FHIT: variants seen among roughly 807,000 people sequenced by gnomAD.
The protein encoded by FHIT is fragile histidine triad diadenosine triphosphatase.
A neutral mutation model predicts 17.9 loss-of-function variants in FHIT; 19 were observed. The observed-to-expected ratio is 1.06, with a 90% CI of 0.74 to 1.56. The LOEUF (loss-of-function observed/expected upper bound fraction) is 1.56, where lower values mean the gene tolerates loss of function less well. Ranked by LOEUF, FHIT falls within the 40% of genes most tolerant of loss-of-function variation. FHIT has a pLI of 0.00. For missense variants in FHIT, 248 were observed against 189.2 expected, an observed-to-expected ratio of 1.31 and a Z score of -1.82; for synonymous variants, 81 against 69.7, an observed-to-expected ratio of 1.16 and a Z score of -0.81.
chr3:60,354,977 A>G (rs1257859417), intron 5 of FHIT, among the ~76,000 whole-genome samples: 2 of 152,192 alleles, frequency 1.3e-5, no homozygotes, highest in African/African-American at 4.8e-5. Flanking sequence ...TTAGTTATCA[A>G]TCAGTTATCT....
intron 5 of FHIT, among the ~76,000 whole-genome samples, chr3:60,090,992 A>T (rs1703707945): frequency 6.6e-6 from 1 of 152,214 alleles, no homozygotes; most frequent in Admixed American, 6.5e-5. Flanking sequence ...TGACCGATTA[A>T]CCACAATGTT....
intron 3 of FHIT, among the ~76,000 whole-genome samples, chr3:60,980,881 T>C (rs1710464508): frequency 6.6e-6 from 1 of 152,238 alleles, no homozygotes; most frequent in South Asian, 2.1e-4. Context: ...AATACCTGTT[T>C]AGATACAAAT....
intron 8 of FHIT, among the ~76,000 whole-genome samples, chr3:59,903,358 T>C (rs532052246): frequency 1.1e-4 from 16 of 152,278 alleles, no homozygotes; most frequent in African/African-American, 3.6e-4. Context: ...AATTAGATTG[T>C]AGTGACAGTT....
chr3:60,838,337 T>A (rs1281528665), intron 3 of FHIT, among the ~76,000 whole-genome samples: 1 of 151,902 alleles, frequency 6.6e-6, no homozygotes. Context: ...CCGGGCGTGG[T>A]GGTGGGCGCC....
At chr3:59,868,194 GC>G in intron 8 of FHIT, among the ~76,000 whole-genome samples, 1 of 152,032 alleles carries the variant, frequency 6.6e-6, no homozygotes, top group South Asian at 2.1e-4. Flanking sequence ...TTCTTTCTCT[GC>G]ATTGCAGTAC....
In FHIT at chr3:60,987,223, C is replaced by T. The variant is rs141681478; in HGVS notation, c.-111+54824G>A. 2.7e-3 allele frequency among the ~76,000 whole-genome samples: 415 copies of T among 152,262 alleles called. 5 individuals carry two copies. Among genetic ancestry groups the T allele is most frequent in the Middle Eastern group, 0.014 (4 of 294 alleles). ...GCATAAAGCTAATGTTGGGAGCAGG[C>T]CCCCCAAAATCTGGCCATAAACTGG... On this transcript the variant is annotated intron_variant, in intron 3 of 9. Coordinates refer to ENST00000492590, the MANE Select transcript of FHIT (RefSeq NM_002012.4).
chr3:59,962,297 ATACTT>A (rs1206231595), intron 7 of FHIT, among the ~76,000 whole-genome samples: 1 of 152,206 alleles, frequency 6.6e-6, no homozygotes, highest in East Asian at 1.9e-4. Context: ...CTCTTGGAAA[ATACTT>A]TATACTGCCT....
chr3:60,928,477 AG>A (rs1219131126), intron 3 of FHIT, among the ~76,000 whole-genome samples: 1 of 151,716 alleles, frequency 6.6e-6, no homozygotes, highest in Non-Finnish European at 1.5e-5. Context: ...TGAGCCTGGG[AG>A]GCAGAGGCTG....
At chr3:60,366,634 A>G (rs1700117494) in intron 5 of FHIT, among the ~76,000 whole-genome samples, 1 of 152,148 alleles carries the variant, frequency 6.6e-6, no homozygotes, top group South Asian at 2.1e-4. Context: ...TATAAAAGCA[A>G]GCTTTCTCTC....
At chr3:60,234,725 T>C (rs890235170) in intron 5 of FHIT, among the ~76,000 whole-genome samples, 5 of 152,312 alleles carry the variant, frequency 3.3e-5, no homozygotes, top group Non-Finnish European at 5.9e-5. Flanking sequence ...GAAGAAGAGA[T>C]AGCTCTTCTT....
intron 5 of FHIT, among the ~76,000 whole-genome samples, chr3:60,207,416 G>T (rs1052107893): frequency 9.9e-5 from 15 of 151,982 alleles, no homozygotes; most frequent in African/African-American, 3.6e-4. Flanking sequence ...ACCTCGAAAG[G>T]CTTCTATATG....
intron 2 of FHIT, among the ~76,000 whole-genome samples, chr3:61,172,601 G>A (rs896466913): frequency 6.6e-6 from 1 of 152,166 alleles, no homozygotes; most frequent in African/African-American, 2.4e-5. Flanking sequence ...TTCCTAAAAA[G>A]TAGATAAAAT....
rs529168565 is a variant in FHIT at position 60,027,758 on chromosome 3, G to A, written c.104-13606C>T. Among the ~76,000 whole-genome samples the A allele has an allele frequency of 8.6e-5, 13 of 151,254 alleles. 1 individual carries two copies. The South Asian group carries it at 2.7e-3, about 32-fold the overall frequency. On this transcript the variant is annotated intron_variant, in intron 5 of 9. Transcript: ENST00000492590. ...AAAGAATAATTCAGATTGAAGGATA[G>A]TATTTTGGATTTTCAGTGTTATTGA...
Position 60,713,229 on chromosome 3 carries a change from C to T in FHIT, c.-18+108690G>A, listed in dbSNP as rs552451987. ...AAATAAAGATGTTCTTTGAAACCAA[C>T]GAGAACAAAGACACAACATACCAGA... is the stretch of plus-strand genomic sequence containing the variant. On this transcript the variant is annotated intron_variant, in intron 4 of 9. Coordinates refer to ENST00000492590, the MANE Select transcript of FHIT (RefSeq NM_002012.4). Among the ~76,000 whole-genome samples, 1,190 of 131,172 alleles carry T rather than the reference C, an allele frequency of 9.1e-3. 45 individuals are homozygous for T. The highest frequency in any genetic ancestry group is 0.074 in the Admixed American group (1,010 of 13,574). The allele number at this position is 131,172 out of a possible 152,430, so 86.1% of individuals were successfully genotyped here.
chr3:60,332,175 T>C (rs1023399125), intron 5 of FHIT, among the ~76,000 whole-genome samples: 1 of 152,224 alleles, frequency 6.6e-6, no homozygotes, highest in Non-Finnish European at 1.5e-5. Flanking sequence ...TGTCCTACTA[T>C]TAACCTCATT....
At chr3:59,752,103 T>G (rs112868324) in intron 9 of FHIT, 118 bp downstream of exon 9, 17 of 665,060 alleles carry the variant, frequency 2.6e-5, no homozygotes, top group African/African-American at 2.0e-4. Flanking sequence ...CTTTGTCCTT[T>G]GCAGCCACCA....
intron 5 of FHIT, among the ~76,000 whole-genome samples, chr3:60,486,463 C>G (rs2033845162): frequency 6.6e-6 from 1 of 152,118 alleles, no homozygotes; most frequent in Non-Finnish European, 1.5e-5. Context: ...CTCCTAACAT[C>G]AAACATTAAT....
intron 3 of FHIT, among the ~76,000 whole-genome samples, chr3:61,040,564 G>A (rs2033459104): frequency 6.6e-6 from 1 of 152,030 alleles, no homozygotes; most frequent in African/African-American, 2.4e-5. Context: ...TTAATATTTT[G>A]GCATGTTTGA....
intron 4 of FHIT, among the ~76,000 whole-genome samples, chr3:60,811,449 G>C (rs1701569089): frequency 6.6e-6 from 1 of 152,120 alleles, no homozygotes; most frequent in African/African-American, 2.4e-5. Context: ...TGCTCTGCTT[G>C]TCAGAAAACT....
Sources: gnomAD v4.1 joint callset for allele counts (sites outside exome capture counted in the v4.1 genomes callset) on GRCh38, gnomAD v4.1.1 for gene constraint, MANE v1.5 for transcripts, NCBI Gene and HGNC (gene_info 2026-07-23, HGNC 2026-07-21) for gene names.